Variants in PLD6 observed in about 807,000 individuals in gnomAD.
PLD6 encodes the protein mitochondrial cardiolipin hydrolase.
In PLD6, 10 loss-of-function variants were observed where a neutral mutation model predicts 9.7. That is an observed-to-expected ratio of 1.03 (90% CI 0.64 to 1.75). PLD6 has a LOEUF of 1.75. Ranked by LOEUF, PLD6 falls within the 40% of genes most tolerant of loss-of-function variation. The pLI, the probability that PLD6 is intolerant of heterozygous loss-of-function variation, is 0.00. For synonymous variants in PLD6, 152 were observed against 159.2 expected (o/e 0.96, Z 0.34); for missense variants, 334 against 347.6 (o/e 0.96, Z 0.31).
chr17:17,204,540 C>T (rs80068883), intron 1 of PLD6: 12,339 of 152,334 alleles, frequency 0.081, 646 homozygotes, highest in Non-Finnish European at 0.12. Flanking sequence ...AGGGGACATT[C>T]CTTGAACAGT....
At chr17:17,203,295 C>G (rs1038657901) in intron 1 of PLD6, among the ~76,000 whole-genome samples, 197 bp from the exon 2 acceptor site, 1 of 152,134 alleles carries the variant, frequency 6.6e-6, no homozygotes, top group Non-Finnish European at 1.5e-5. Context: ...CACACAGGGC[C>G]AGAGCGTCAC....
chr17:17,205,816 G>A (rs938675998), intron 1 of PLD6, 44 bp downstream of exon 1: 3 of 1,540,506 alleles, frequency 1.9e-6, no homozygotes, highest in African/African-American at 1.4e-5. Context: ...AGGACCCCGC[G>A]TGGGCCAAGC....
rs748165661 is a variant in PLD6, at chr17:17,203,043, G to C, written c.483C>G (p.Ile161Met). ...DPGYMHHKFA[I>M]VDKRVLITGS... Reference sequence around the variant, plus strand: ...CAGTGATGAGCACCCTCTTGTCCACGATGGCAAACTTGTGATGCATGTAGC... The same window carrying C: ...CAGTGATGAGCACCCTCTTGTCCACCATGGCAAACTTGTGATGCATGTAGC... Residue 161 changes from isoleucine to methionine, a missense_variant, in exon 2 of 2, where the codon ATC becomes ATG. Physicochemically the swap from Ile to Met is conservative, Grantham distance 10. Transcript: ENST00000321560. 4 of 1,614,186 alleles carry C rather than the reference G, an allele frequency of 2.5e-6. No homozygotes were observed. The highest frequency in any genetic ancestry group is 3.4e-6 in the Non-Finnish European group (4 of 1,180,042).
intron 1 of PLD6, among the ~76,000 whole-genome samples, chr17:17,203,648 C>CAGG (rs2046693324): frequency 6.6e-6 from 1 of 152,206 alleles, no homozygotes; most frequent in East Asian, 1.9e-4. Flanking sequence ...ACCAAAGAAC[C>CAGG]AGGCATCCCG....
chr17:17,202,473 T>G lies in PLD6; in HGVS notation c.*294A>C. 1 of 387,090 alleles carries G rather than the reference T, an allele frequency of 2.6e-6. No individual in the cohort carries two copies. The highest frequency in any genetic ancestry group is 4.8e-6 in the Non-Finnish European group (1 of 210,150). 24.0% of individuals were successfully genotyped at this position (387,090 alleles called of 1,614,324 possible). A position where few individuals can be genotyped will look rare whatever the true frequency, so the allele number is the denominator to read the frequency against. On this transcript the variant is annotated 3_prime_UTR_variant, in exon 2 of 2. Coordinates refer to ENST00000321560, the MANE Select transcript of PLD6 (RefSeq NM_178836.4). ...TGGGATCGACCTGGAAGAGGCACTG[T>G]GCCTTTTCTGTGCTGTAGCAGAAGT...
Position 17,202,744 on chromosome 17 carries a change from G to A in PLD6, c.*23C>T. 6.3e-7 allele frequency: 1 copy of A among 1,598,742 alleles called. No homozygotes were observed. Among genetic ancestry groups the A allele is most frequent in the Non-Finnish European group, 8.5e-7 (1 of 1,169,888 alleles). On this transcript the variant is annotated 3_prime_UTR_variant, in exon 2 of 2. Transcript: ENST00000321560. Reference sequence around the variant, plus strand: ...CCTCAGAACGCACAGCAGCCCGCAGGGAGGGCTCAGCCCCATTCTTGGTTA... The same window carrying A: ...CCTCAGAACGCACAGCAGCCCGCAGAGAGGGCTCAGCCCCATTCTTGGTTA...
chr17:17,203,593 AACG>A (rs1171838741), intron 1 of PLD6, among the ~76,000 whole-genome samples: 2 of 147,144 alleles, frequency 1.4e-5, no homozygotes, highest in African/African-American at 2.5e-5. Context: ...CCTAACTAAC[AACG>A]CACAAATGAA....
Position 17,202,706 on chromosome 17 carries a change from C to T in PLD6, c.*61G>A, listed in dbSNP as rs946766054. The T allele has an allele frequency of 5.3e-5, 78 of 1,464,748 alleles. No individual in the cohort carries two copies. The highest frequency in any genetic ancestry group is 2.7e-4 in the South Asian group (21 of 78,030). 90.7% of individuals were successfully genotyped at this position (1,464,748 alleles called of 1,614,324 possible). A position where few individuals can be genotyped will look rare whatever the true frequency, so the allele number is the denominator to read the frequency against. On this transcript the variant is annotated 3_prime_UTR_variant, in exon 2 of 2. Coordinates refer to ENST00000321560, the MANE Select transcript of PLD6 (RefSeq NM_178836.4). Reference sequence around the variant, plus strand: ...TAGTTTAACGATTTTTTTCTAGTGCCGAGGTCTCCCTCCCTCAGAACGCAC... The same window carrying T: ...TAGTTTAACGATTTTTTTCTAGTGCTGAGGTCTCCCTCCCTCAGAACGCAC...
chr17:17,206,099 G>C lies in PLD6; in HGVS notation c.188C>G (p.Ala63Gly). 6.8e-7 allele frequency: 1 copy of C among 1,480,404 alleles called. No homozygotes were observed. Among genetic ancestry groups the C allele is most frequent in the Non-Finnish European group, 8.9e-7 (1 of 1,125,074 alleles). The allele number at this position is 1,480,404 out of a possible 1,614,324, so 91.7% of individuals were successfully genotyped here. A position where few individuals can be genotyped will look rare whatever the true frequency, so the allele number is the denominator to read the frequency against. Residue 63 changes from alanine (A) to glycine (G), a missense_variant, in exon 1 of 2, where the codon GCC (alanine) becomes GGC (glycine). Ala to Gly is a moderately conservative substitution (Grantham distance 60, BLOSUM62 0). Coordinates refer to ENST00000321560, the MANE Select transcript of PLD6 (RefSeq NM_178836.4). ...GCACGGGCAGCCCTCGGGGAGCTCG[G>C]CCAGCTCCGCGCCCGGAGCCCGCAG... Reference protein sequence around the residue: ...ALLRAPGAELAELPEGCPCGL... With the variant: ...ALLRAPGAELGELPEGCPCGL...
chr17:17,202,325 G>A lies in PLD6; in HGVS notation c.*442C>T. On this transcript the variant is annotated 3_prime_UTR_variant, in exon 2 of 2. Transcript: ENST00000321560. ...AGGGGCAGACTGTGAGGGACAAGGA[G>A]ACTGTAGGCCCCAACCAACCCCAGT... 1 of 171,702 alleles carries A rather than the reference G, an allele frequency of 5.8e-6. No individual in the cohort carries two copies. The highest frequency in any genetic ancestry group is 1.3e-5 in the Non-Finnish European group (1 of 78,374). 10.6% of individuals were successfully genotyped at this position (171,702 alleles called of 1,614,324 possible).
intron 1 of PLD6, among the ~76,000 whole-genome samples, chr17:17,205,128 G>A (rs1325580683): frequency 3.3e-5 from 5 of 152,220 alleles, no homozygotes; most frequent in African/African-American, 1.2e-4. Context: ...GGCAACAGCA[G>A]GCTGGGCCGC....
chr17:17,202,727 C>CGCACAG lies in PLD6; in HGVS notation c.*34_*39dup, dbSNP rs770815360. 6.4e-7 allele frequency: 1 copy of CGCACAG among 1,568,868 alleles called. No individual in the cohort carries two copies. The highest frequency in any genetic ancestry group is 1.2e-5 in the South Asian group (1 of 86,888). On this transcript the variant is annotated 3_prime_UTR_variant, in exon 2 of 2. Transcript: ENST00000321560. The stretch of plus-strand genomic sequence containing the variant: ...GTGCCGAGGTCTCCCTCCCTCAGAA[C>CGCACAG]GCACAGCAGCCCGCAGGGAGGGCTC...
intron 1 of PLD6, 34 bp downstream of exon 1, chr17:17,205,826 C>A: frequency 1.9e-6 from 3 of 1,545,888 alleles, no homozygotes; most frequent in Admixed American, 2.0e-5. Flanking sequence ...GTGGGCCAAG[C>A]CGGCCTTCTC....
In PLD6 at chr17:17,202,181, G is replaced by A. The variant is rs1298284267; in HGVS notation, c.*586C>T. On this transcript the variant is annotated 3_prime_UTR_variant, in exon 2 of 2. Coordinates refer to ENST00000321560, the MANE Select transcript of PLD6 (RefSeq NM_178836.4). ...ATCAAGGGAACAGCCAGCCTTTGGT[G>A]GCAATGACGCTCACGGGGTTGCCCC... 2 of 155,922 alleles carry A rather than the reference G, an allele frequency of 1.3e-5. No homozygotes were observed. Among genetic ancestry groups the A allele is most frequent in the Non-Finnish European group, 2.8e-5 (2 of 70,224 alleles). 9.7% of individuals were successfully genotyped at this position (155,922 alleles called of 1,614,324 possible).
At chr17:17,205,318 T>C (rs574692599) in intron 1 of PLD6, among the ~76,000 whole-genome samples, 14 of 152,286 alleles carry the variant, frequency 9.2e-5, no homozygotes, top group African/African-American at 3.4e-4. Context: ...CTAGAACATG[T>C]TCAGGTCTCC....
intron 1 of PLD6, among the ~76,000 whole-genome samples, chr17:17,204,971 AATTCC>A (rs1334041497): frequency 6.6e-6 from 1 of 152,156 alleles, no homozygotes; most frequent in Non-Finnish European, 1.5e-5. Context: ...CAGCCTGGAC[AATTCC>A]CAGGGCTCCA....
intron 1 of PLD6, among the ~76,000 whole-genome samples, chr17:17,205,032 G>T (rs1332407433): frequency 1.3e-5 from 2 of 151,986 alleles, no homozygotes; most frequent in African/African-American, 4.8e-5. Context: ...AGATCCAACC[G>T]TTGCACGTGC....
rs539485372 is a variant in PLD6, at chr17:17,202,727, C to T, written c.*40G>A. The T allele has an allele frequency of 3.5e-5, 55 of 1,568,868 alleles. No homozygotes were observed. The highest frequency in any genetic ancestry group is 2.8e-4 in the South Asian group (24 of 86,888). Reference sequence around the variant, plus strand: ...GTGCCGAGGTCTCCCTCCCTCAGAACGCACAGCAGCCCGCAGGGAGGGCTC... The same window carrying T: ...GTGCCGAGGTCTCCCTCCCTCAGAATGCACAGCAGCCCGCAGGGAGGGCTC... On this transcript the variant is annotated 3_prime_UTR_variant, in exon 2 of 2. Coordinates refer to ENST00000321560, the MANE Select transcript of PLD6 (RefSeq NM_178836.4).
chr17:17,202,782 G>A lies in PLD6; in HGVS notation c.744C>T (p.Ser248=), dbSNP rs376238600. The A allele has an allele frequency of 1.2e-5, 19 of 1,613,348 alleles. No homozygotes were observed. Among genetic ancestry groups the A allele is most frequent in the South Asian group, 3.3e-5 (3 of 91,044 alleles). ...CCATTCTTGGTTAGGTTTGGCTTTC[G>A]CTGGAGGTGCCGCAAGTTCTGTGCC... The part of the protein sequence containing the change: ...LSWHRTCGTS[S]ESQT The change falls in exon 2 of 2, where the codon AGC becomes AGT. Residue 248 remains serine, a synonymous_variant. Coordinates refer to ENST00000321560, the MANE Select transcript of PLD6 (RefSeq NM_178836.4).
Sources: gnomAD v4.1 joint callset for allele counts (sites outside exome capture counted in the v4.1 genomes callset) on GRCh38, gnomAD v4.1.1 for gene constraint, MANE v1.5 for transcripts, NCBI Gene and HGNC (gene_info 2026-07-23, HGNC 2026-07-21) for gene names.